Variants in G3BP2 observed in about 807,000 individuals in gnomAD.
G3BP2 encodes the protein G3BP stress granule assembly factor 2.
G3BP2 carries 11 observed loss-of-function variants against 56.7 expected under a neutral mutation model. The ratio of observed to expected loss-of-function variants is 0.19; its 90% CI spans 0.12 to 0.32. The LOEUF (loss-of-function observed/expected upper bound fraction) is 0.32, where lower values mean the gene tolerates loss of function less well. Ranked by LOEUF, G3BP2 falls within the 10% of genes least tolerant of loss-of-function variation. G3BP2 has a pLI of 1.00. For synonymous variants in G3BP2, 165 were observed against 191.6 expected, an observed-to-expected ratio of 0.86 and a Z score of 1.15; for missense variants, 340 against 610.9, an observed-to-expected ratio of 0.56 and a Z score of 4.67.
chr4:75,687,738 C>T (rs1006355465), intron 3 of G3BP2, among the ~76,000 whole-genome samples: 5 of 152,148 alleles, frequency 3.3e-5, no homozygotes, highest in Admixed American at 6.5e-5. Context: ...GAGAGTGACC[C>T]GTATGACAGA....
At chr4:75,672,952 T>C in intron 1 of G3BP2, 1 of 963,114 alleles carries the variant, frequency 1.0e-6, no homozygotes, top group Non-Finnish European at 1.2e-6. Context: ...ACCTGTGCAC[T>C]CGGAGCCCTC....
At chr4:75,673,723 G>A (rs1160586517), upstream of G3BP2, 3 of 801,930 alleles carry the variant, frequency 3.7e-6, no homozygotes, top group Non-Finnish European at 5.0e-6. Flanking sequence ...AGCGAGAGCT[G>A]GTTCGCAGCA....
intron 1 of G3BP2, among the ~76,000 whole-genome samples, chr4:75,723,162 C>A (rs1276136444): frequency 6.6e-6 from 1 of 152,136 alleles, no homozygotes; most frequent in Non-Finnish European, 1.5e-5. Context: ...AAGGGCATAT[C>A]CAGGTCTGAG....
chr4:75,719,750 C>T (rs988628368), intron 3 of G3BP2, among the ~76,000 whole-genome samples: 12 of 151,894 alleles, frequency 7.9e-5, no homozygotes, highest in African/African-American at 2.9e-4. Context: ...CCACCACGCT[C>T]GGCTAATTCT....
At chr4:75,656,244 G>A (rs1269796731) in intron 5 of G3BP2, among the ~76,000 whole-genome samples, 2 of 151,512 alleles carry the variant, frequency 1.3e-5, no homozygotes, top group Non-Finnish European at 2.9e-5. Context: ...CACCCGCCCT[G>A]GCCTCCCAAA....
chr4:75,662,048 T>C lies in G3BP2; in HGVS notation c.-23A>G, dbSNP rs1732607841. 1 of 1,496,892 alleles carries C rather than the reference T, an allele frequency of 6.7e-7. No homozygotes were observed. Among genetic ancestry groups the C allele is most frequent in the Non-Finnish European group, 9.3e-7 (1 of 1,079,980 alleles). 92.7% of individuals were successfully genotyped at this position (1,496,892 alleles called of 1,614,324 possible). Reference sequence around the variant, plus strand: ...CATTTCTTTGCTGCACAATGTCAAATGCTGAGGGAGCAAACACAAGAATAA... The same window carrying C: ...CATTTCTTTGCTGCACAATGTCAAACGCTGAGGGAGCAAACACAAGAATAA... On this transcript the variant is annotated splice_region_variant and 5_prime_UTR_variant, in exon 2 of 12. Transcript: ENST00000359707.
chr4:75,671,915 A>G (rs1211739401), intron 1 of G3BP2, among the ~76,000 whole-genome samples: 3 of 152,252 alleles, frequency 2.0e-5, no homozygotes, highest in Non-Finnish European at 2.9e-5. Flanking sequence ...GCCTAAGGCT[A>G]TATTAACTGC....
At chr4:75,713,757 G>A (rs1719836012) in intron 3 of G3BP2, among the ~76,000 whole-genome samples, 1 of 152,140 alleles carries the variant, frequency 6.6e-6, no homozygotes, top group Non-Finnish European at 1.5e-5. Context: ...GCACTATACT[G>A]CAGCCCAGGC....
chr4:75,655,424 A>G (rs1732019019), intron 6 of G3BP2, among the ~76,000 whole-genome samples, 178 bp from the exon 7 acceptor site: 1 of 152,206 alleles, frequency 6.6e-6, no homozygotes, highest in Non-Finnish European at 1.5e-5. Flanking sequence ...ACTCTCAAGT[A>G]GCAGTTCTTT....
At chr4:75,674,709 T>TAC, upstream of G3BP2, among the ~76,000 whole-genome samples, 1 of 46,076 alleles carries the variant, frequency 2.2e-5, no homozygotes, top group Non-Finnish European at 4.5e-5. Context: ...TATATATATA[T>TAC]ATATATATAT....
intron 1 of G3BP2, chr4:75,723,927 G>T (rs368786216): frequency 6.6e-6 from 1 of 152,122 alleles, no homozygotes; most frequent in Non-Finnish European, 1.5e-5. Context: ...AAACACAGGG[G>T]TTGAGAGTTA....
intron 1 of G3BP2, among the ~76,000 whole-genome samples, chr4:75,663,060 T>C (rs181301715): frequency 2.0e-5 from 3 of 152,316 alleles, no homozygotes; most frequent in Admixed American, 2.0e-4. Context: ...TAATTAAGCA[T>C]CTAACTACAT....
At chr4:75,677,505 AGG>A, upstream of G3BP2, among the ~76,000 whole-genome samples, 1 of 151,984 alleles carries the variant, frequency 6.6e-6, no homozygotes, top group Admixed American at 6.6e-5. Flanking sequence ...CAGGAGGCGG[AGG>A]TTGTGGTAAC....
At chr4:75,646,189 C>A in intron 11 of G3BP2, 149 bp downstream of exon 11, 1 of 558,290 alleles carries the variant, frequency 1.8e-6, no homozygotes, top group Admixed American at 3.6e-5. Flanking sequence ...GATCTGCAAA[C>A]TAACAAATCT....
chr4:75,673,339 G>C lies in G3BP2; in HGVS notation c.-156C>G, dbSNP rs1368688523. On this transcript the variant is annotated 5_prime_UTR_variant, in exon 1 of 12. Coordinates refer to ENST00000359707, the MANE Select transcript of G3BP2 (RefSeq NM_203505.3). ...CGGAAGCCTCGGAAGCCGGAGAGCC[G>C]CGAGTTCGTCTGCCTCACAACCACC... 8.1e-7 allele frequency: 1 copy of C among 1,230,288 alleles called. No individual in the cohort carries two copies. The allele number at this position is 1,230,288 out of a possible 1,614,324, so 76.2% of individuals were successfully genotyped here. A position where few individuals can be genotyped will look rare whatever the true frequency, so the allele number is the denominator to read the frequency against.
intron 3 of G3BP2, among the ~76,000 whole-genome samples, chr4:75,720,783 G>A (rs1200058795): frequency 2.1e-5 from 3 of 145,486 alleles, no homozygotes; most frequent in Non-Finnish European, 3.0e-5. Context: ...GTGACAGAGC[G>A]AGGCTCCATC....
chr4:75,654,007 G>T lies in G3BP2; in HGVS notation c.801C>A (p.Pro267=). The change falls in exon 8 of 12, where the codon CCC becomes CCA. Residue 267 remains proline (P), a synonymous_variant. Coordinates refer to ENST00000359707, the MANE Select transcript of G3BP2 (RefSeq NM_203505.3). The part of the protein sequence containing the change: ...SGTVSSSGIP[P]HVKAPVSQPR... ...CCTGTGAGACTGGTGCTTTAACATG[G>T]GGTGGAATTCCAGAGGAAGAAACAG... The T allele has an allele frequency of 6.4e-7, 1 of 1,570,012 alleles. No individual in the cohort carries two copies. Among genetic ancestry groups the T allele is most frequent in the Non-Finnish European group, 8.8e-7 (1 of 1,140,082 alleles).
intron 3 of G3BP2, among the ~76,000 whole-genome samples, chr4:75,718,864 C>G (rs1340561377): frequency 6.6e-6 from 1 of 151,826 alleles, no homozygotes; most frequent in East Asian, 1.9e-4. Flanking sequence ...CATCTTGCCC[C>G]GCATGGAGCT....
chr4:75,671,062 A>C (rs1232346102), intron 1 of G3BP2, among the ~76,000 whole-genome samples: 1 of 152,228 alleles, frequency 6.6e-6, no homozygotes, highest in Non-Finnish European at 1.5e-5. Context: ...ACGACAGTCA[A>C]GAAACTAATT....
Sources: allele counts gnomAD v4.1 joint callset (sites outside exome capture counted in the v4.1 genomes callset), GRCh38; gene constraint gnomAD v4.1.1; transcripts MANE v1.5; gene names NCBI Gene and HGNC (gene_info 2026-07-23, HGNC 2026-07-21).